Variants in PARVB observed in about 807,000 individuals in gnomAD.
PARVB encodes the protein parvin beta, also known as beta-parvin.
In PARVB, 46 loss-of-function variants were observed where a neutral mutation model predicts 47.0. The ratio of observed to expected loss-of-function variants is 0.98; its 90% CI spans 0.77 to 1.25. The LOEUF is 1.25. Ranked by LOEUF, PARVB falls within the 50% of genes most tolerant of loss-of-function variation. PARVB has a pLI of 0.00. For missense variants in PARVB, 473 were observed against 471.6 expected (o/e 1.00, Z -0.03); for synonymous variants, 196 against 196.3 (o/e 1.00, Z 0.01).
chr22:44,156,777 G>C (rs1041655561), intron 10 of PARVB, among the ~76,000 whole-genome samples: 6 of 152,150 alleles, frequency 3.9e-5, no homozygotes, highest in African/African-American at 1.4e-4. Context: ...AGACACAAAA[G>C]ATAAATGGAT....
intron 11 of PARVB, among the ~76,000 whole-genome samples, chr22:44,159,521 C>T (rs966973320): frequency 2.6e-5 from 4 of 152,190 alleles, no homozygotes; most frequent in Non-Finnish European, 5.9e-5. Context: ...GTATAGCATG[C>T]AGCACACCAT....
At chr22:44,032,373 G>A (rs1041609205) in intron 1 of PARVB, among the ~76,000 whole-genome samples, 3 of 152,260 alleles carry the variant, frequency 2.0e-5, no homozygotes, top group East Asian at 1.9e-4. Flanking sequence ...TGTCTGGGCC[G>A]TGGGGACTGA....
rs916291521 is a variant in PARVB, at chr22:44,125,199, T to G, written c.376+6059T>G. Among the ~76,000 whole-genome samples the G allele has an allele frequency of 6.6e-6, 1 of 152,154 alleles. No individual in the cohort carries two copies. The highest frequency in any genetic ancestry group is 1.5e-5 in the Non-Finnish European group (1 of 68,028). On this transcript the variant is annotated intron_variant, in intron 4 of 12. Transcript: ENST00000338758. The surrounding 1 kb of genome is among the most constrained non-coding windows in gnomAD (Gnocchi z 4.1). ...TATTTGGAGGGAAACATGTCTGTGT[T>G]TGTTTTGGTCACACATTCATTCATT...
chr22:44,131,985 G>T (rs1342247974), intron 5 of PARVB, among the ~76,000 whole-genome samples: 1 of 152,210 alleles, frequency 6.6e-6, no homozygotes, highest in African/African-American at 2.4e-5. Flanking sequence ...GCAACACCTA[G>T]TGGGCTGTTT....
intron 1 of PARVB, among the ~76,000 whole-genome samples, chr22:44,061,859 C>T (rs2051426495): frequency 6.6e-6 from 1 of 152,120 alleles, no homozygotes; most frequent in Non-Finnish European, 1.5e-5. Flanking sequence ...TCAGGCGATC[C>T]ACCCGCTTTG....
chr22:44,093,899 C>T lies in PARVB; in HGVS notation c.113-29C>T, dbSNP rs1377831456. ...GGCCACGGCACTCCGTGTATACTAA[C>T]CTGGTTTTTCTTTCCTTTTGCTCAA... On this transcript the variant is annotated intron_variant, in intron 1 of 12. Coordinates refer to ENST00000338758, the MANE Select transcript of PARVB (RefSeq NM_013327.5). The T allele has an allele frequency of 1.6e-5, 24 of 1,523,000 alleles. No individual in the cohort carries two copies. The East Asian group carries it at 3.2e-4, about 20-fold the overall frequency. 94.3% of individuals were successfully genotyped at this position (1,523,000 alleles called of 1,614,324 possible).
At chr22:44,000,753 G>A (rs982754895) in intron 2 of PARVB, among the ~76,000 whole-genome samples, 1 of 152,210 alleles carries the variant, frequency 6.6e-6, no homozygotes, top group Admixed American at 6.5e-5. Context: ...TGAAAGGTTA[G>A]TTGCAGTGTG....
chr22:44,166,491 T>C (rs1293028795), intron 12 of PARVB, among the ~76,000 whole-genome samples: 1 of 152,142 alleles, frequency 6.6e-6, no homozygotes, highest in Non-Finnish European at 1.5e-5. Flanking sequence ...CCTAGGAGGG[T>C]GTTTGCCCCT....
intron 1 of PARVB, among the ~76,000 whole-genome samples, chr22:44,091,491 C>T (rs1447451417): frequency 6.6e-6 from 1 of 152,050 alleles, no homozygotes; most frequent in African/African-American, 2.4e-5. Flanking sequence ...TGCTACTTCC[C>T]CCGCCCCTGG....
upstream of PARVB, chr22:44,024,208 C>A: frequency 3.1e-6 from 1 of 322,726 alleles, no homozygotes; most frequent in East Asian, 1.7e-4. Context: ...GACGCCGGGG[C>A]CGCGCTCCAG....
chr22:44,034,584 T>A (rs2146901825), intron 1 of PARVB, among the ~76,000 whole-genome samples: 1 of 152,180 alleles, frequency 6.6e-6, no homozygotes, highest in Non-Finnish European at 1.5e-5. Context: ...GCCCATAGCT[T>A]AATTTGAAGT....
At chr22:44,035,633 A>G (rs1171323904) in intron 1 of PARVB, among the ~76,000 whole-genome samples, 1 of 151,798 alleles carries the variant, frequency 6.6e-6, no homozygotes, top group South Asian at 2.1e-4. Flanking sequence ...AGCCTCCCAA[A>G]GTGCTGGGAT....
Position 44,040,046 on chromosome 22 carries a change from G to A in PARVB, c.112+15595G>A, listed in dbSNP as rs544402563. On this transcript the variant is annotated intron_variant, in intron 1 of 12. Coordinates refer to ENST00000338758, the MANE Select transcript of PARVB (RefSeq NM_013327.5). ...TGTGGTGGTTGCCTCTGGGGCTGTG[G>A]GCAGGAGTTGCTTGGGGAGGAGCAG... 6.4e-4 allele frequency: 173 copies of A among 270,142 alleles called. 3 individuals carry two copies. The highest frequency in any genetic ancestry group is 5.2e-3 in the South Asian group (168 of 32,456). 16.7% of individuals were successfully genotyped at this position (270,142 alleles called of 1,614,324 possible). A position where few individuals can be genotyped will look rare whatever the true frequency, so the allele number is the denominator to read the frequency against.
At chr22:44,078,060 C>G (rs1469396477) in intron 1 of PARVB, among the ~76,000 whole-genome samples, 1 of 152,094 alleles carries the variant, frequency 6.6e-6, no homozygotes, top group Non-Finnish European at 1.5e-5. Context: ...GGACAGGGGG[C>G]CATTTGCAGA....
chr22:44,000,663 AAG>A (rs1298880518), intron 2 of PARVB, among the ~76,000 whole-genome samples: 4 of 152,234 alleles, frequency 2.6e-5, no homozygotes, highest in Non-Finnish European at 4.4e-5. Context: ...GTATTTGGAA[AAG>A]AGAGTATTTT....
intron 1 of PARVB, among the ~76,000 whole-genome samples, chr22:44,077,220 G>A (rs901865031): frequency 1.6e-4 from 25 of 152,184 alleles, no homozygotes; most frequent in Non-Finnish European, 1.0e-4. Flanking sequence ...CCAGGGCTCC[G>A]AGAGGATCCC....
chr22:44,023,202 C>G (rs1013527200), upstream of PARVB, among the ~76,000 whole-genome samples: 5 of 152,310 alleles, frequency 3.3e-5, no homozygotes, highest in Non-Finnish European at 7.3e-5. Context: ...TGTGACATCA[C>G]AGCTCAAAGC....
At chr22:44,116,897 C>A (rs556534014) in intron 3 of PARVB, among the ~76,000 whole-genome samples, 1 of 151,962 alleles carries the variant, frequency 6.6e-6, no homozygotes, top group East Asian at 1.9e-4. Flanking sequence ...AGAACCCCAG[C>A]GAGGAGGCAG....
intron 3 of PARVB, among the ~76,000 whole-genome samples, chr22:44,100,381 C>G (rs938777031): frequency 6.6e-6 from 1 of 152,082 alleles, no homozygotes; most frequent in African/African-American, 2.4e-5. Flanking sequence ...GGACAGAGCT[C>G]GGCAGGAGGG....
Sources: allele counts gnomAD v4.1 joint callset (sites outside exome capture counted in the v4.1 genomes callset), GRCh38; gene constraint gnomAD v4.1.1; non-coding constraint Gnocchi (gnomAD v3.1); transcripts MANE v1.5; gene names NCBI Gene and HGNC (gene_info 2026-07-23, HGNC 2026-07-21).